Variants in NKAIN2 observed in about 807,000 individuals in gnomAD.
NKAIN2 encodes the protein sodium/potassium-transporting ATPase subunit beta-1-interacting protein 2.
NKAIN2 carries 14 observed loss-of-function variants against 32.6 expected under a neutral mutation model. That is an observed-to-expected ratio of 0.43 (90% CI 0.28 to 0.67). The LOEUF (loss-of-function observed/expected upper bound fraction) is 0.67. NKAIN2 is among the 30% of genes least tolerant of loss of function. The pLI is 0.17. For missense variants in NKAIN2, 198 were observed against 258.3 expected (o/e 0.77, Z 1.60); for synonymous variants, 80 against 87.2 (o/e 0.92, Z 0.46).
chr6:124,244,234 TC>T (rs1793269254), intron 1 of NKAIN2, among the ~76,000 whole-genome samples: 1 of 81,688 alleles, frequency 1.2e-5, no homozygotes, highest in Non-Finnish European at 2.3e-5. Flanking sequence ...AAGCTATCCC[TC>T]CCCCCTCCCC....
At chr6:124,413,716 A>G (rs1487428014) in intron 3 of NKAIN2, among the ~76,000 whole-genome samples, 2 of 152,030 alleles carry the variant, frequency 1.3e-5, no homozygotes, top group African/African-American at 2.4e-5. Flanking sequence ...GTCATCTTCA[A>G]TTTTTCTCAG....
chr6:124,655,463 T>TTACCA (rs1278413471), intron 3 of NKAIN2, among the ~76,000 whole-genome samples: 1 of 152,186 alleles, frequency 6.6e-6, no homozygotes, highest in Admixed American at 6.6e-5. Context: ...TCACTTCTGA[T>TTACCA]TACCATAGCT....
intron 3 of NKAIN2, among the ~76,000 whole-genome samples, chr6:124,616,305 G>C (rs1235774339): frequency 6.6e-6 from 1 of 151,988 alleles, no homozygotes; most frequent in Admixed American, 6.6e-5. Flanking sequence ...TTTGCAGGAA[G>C]TGTTGGTCTG....
chr6:124,128,842 G>A (rs1351992115), intron 1 of NKAIN2, among the ~76,000 whole-genome samples: 3 of 152,156 alleles, frequency 2.0e-5, no homozygotes, highest in East Asian at 1.9e-4. Context: ...CTAAAAGAGT[G>A]CAGATTCACT....
intron 3 of NKAIN2, among the ~76,000 whole-genome samples, chr6:124,416,451 C>A (rs1357605506): frequency 6.6e-6 from 1 of 152,036 alleles, no homozygotes; most frequent in African/African-American, 2.4e-5. Flanking sequence ...GCCTGGGCAA[C>A]ATAGCAAAAC....
At chr6:124,806,732 T>C (rs1780583539) in intron 5 of NKAIN2, among the ~76,000 whole-genome samples, 1 of 152,052 alleles carries the variant, frequency 6.6e-6, no homozygotes, top group Admixed American at 6.5e-5. Context: ...GTGTGCTGTA[T>C]TCAGGAAACC....
intron 4 of NKAIN2, among the ~76,000 whole-genome samples, chr6:124,729,881 G>A: frequency 6.6e-6 from 1 of 151,322 alleles, no homozygotes; most frequent in East Asian, 1.9e-4. Context: ...CAAAATCAAT[G>A]TACAAAAATC....
intron 3 of NKAIN2, among the ~76,000 whole-genome samples, chr6:124,545,382 G>T (rs1455167228): frequency 6.6e-6 from 1 of 152,008 alleles, no homozygotes; most frequent in African/African-American, 2.4e-5. Flanking sequence ...ATAAAGACAA[G>T]CCATAGATCA....
chr6:124,708,953 C>G (rs1775271282), intron 4 of NKAIN2, among the ~76,000 whole-genome samples: 1 of 148,484 alleles, frequency 6.7e-6, no homozygotes, highest in African/African-American at 2.5e-5. Flanking sequence ...TCTGCCCATT[C>G]AGTATGATAT....
intron 3 of NKAIN2, among the ~76,000 whole-genome samples, chr6:124,507,605 A>G (rs1030569812): frequency 2.6e-5 from 4 of 152,196 alleles, no homozygotes; most frequent in African/African-American, 9.6e-5. Flanking sequence ...CATAATATAG[A>G]TGTACAGGAG....
At chr6:124,093,065 G>A (rs760072805) in intron 1 of NKAIN2, among the ~76,000 whole-genome samples, 1 of 152,004 alleles carries the variant, frequency 6.6e-6, no homozygotes, top group Non-Finnish European at 1.5e-5. Context: ...TGTTATAAAT[G>A]TTGTACATAT....
intron 3 of NKAIN2, among the ~76,000 whole-genome samples, chr6:124,371,709 A>AAG (rs1554196666): frequency 7.3e-5 from 11 of 151,290 alleles, no homozygotes; most frequent in Admixed American, 4.0e-4. Flanking sequence ...AAAAAAAAAA[A>AAG]AAAGAAAGAA....
intron 5 of NKAIN2, among the ~76,000 whole-genome samples, chr6:124,810,105 C>G (rs2114856931): frequency 6.6e-6 from 1 of 152,124 alleles, no homozygotes; most frequent in South Asian, 2.1e-4. Context: ...ACTAGAAATA[C>G]CATTTGACCC....
At chr6:124,369,479 G>A (rs73573079) in intron 3 of NKAIN2, among the ~76,000 whole-genome samples, 1,690 of 152,182 alleles carry the variant, frequency 0.011, 32 homozygotes, top group African/African-American at 0.039. Flanking sequence ...ACCCAGGATG[G>A]CTTTGAGTGT....
At chr6:123,980,592 A>T (rs1778843324) in intron 1 of NKAIN2, among the ~76,000 whole-genome samples, 1 of 152,212 alleles carries the variant, frequency 6.6e-6, no homozygotes, top group African/African-American at 2.4e-5. Context: ...GTCACTTTAG[A>T]ATTACAAAAC....
At chr6:124,562,954 G>A (rs1780753317) in intron 3 of NKAIN2, among the ~76,000 whole-genome samples, 1 of 150,202 alleles carries the variant, frequency 6.7e-6, no homozygotes, top group Non-Finnish European at 1.5e-5. Flanking sequence ...ACCCTGGCTG[G>A]ACTGCAATGG....
At chr6:124,701,055 T>G (rs1437981742) in intron 4 of NKAIN2, among the ~76,000 whole-genome samples, 1 of 151,566 alleles carries the variant, frequency 6.6e-6, no homozygotes, top group Non-Finnish European at 1.5e-5. Context: ...AAGCTTATTA[T>G]AAAATATTTT....
At chr6:124,316,379 T>C (rs529785471) in intron 2 of NKAIN2, among the ~76,000 whole-genome samples, 8 of 152,086 alleles carry the variant, frequency 5.3e-5, no homozygotes, top group Non-Finnish European at 1.0e-4. Flanking sequence ...GAAATGAACA[T>C]CAACACATAG....
Position 124,823,803 on chromosome 6 carries a change from T to C in NKAIN2, c.*574T>C, listed in dbSNP as rs1457657211. 1 of 153,438 alleles carries C rather than the reference T, an allele frequency of 6.5e-6. No homozygotes were observed. Among genetic ancestry groups the C allele is most frequent in the Non-Finnish European group, 1.5e-5 (1 of 68,914 alleles). 9.5% of individuals were successfully genotyped at this position (153,438 alleles called of 1,614,324 possible). On this transcript the variant is annotated 3_prime_UTR_variant, in exon 7 of 7. Coordinates refer to ENST00000368417, the MANE Select transcript of NKAIN2 (RefSeq NM_001040214.3). ...ACATACTTGCCTTAACCCACCTACATTGTGTGCCCAAGAATCCCAGTGCAG... is the reference window on the plus strand; with the variant it reads ...ACATACTTGCCTTAACCCACCTACACTGTGTGCCCAAGAATCCCAGTGCAG...
Sources: gnomAD v4.1 joint callset for allele counts (sites outside exome capture counted in the v4.1 genomes callset) on GRCh38, gnomAD v4.1.1 for gene constraint, MANE v1.5 for transcripts, NCBI Gene and HGNC (gene_info 2026-07-23, HGNC 2026-07-21) for gene names.